STARD3NL: variants seen among roughly 807,000 people sequenced by gnomAD.
STARD3NL encodes STARD3 N-terminal like.
STARD3NL carries 17 observed loss-of-function variants against 30.9 expected under a neutral mutation model. The ratio of observed to expected loss-of-function variants is 0.55; its 90% confidence interval spans 0.38 to 0.82. The LOEUF is 0.82. Among genes scored for constraint, STARD3NL ranks in the 40% least tolerant of loss-of-function variants. The probability of loss-of-function intolerance (pLI) is 0.00; values close to 1 mark genes in which losing one functional copy is unlikely to be tolerated. For missense variants in STARD3NL, 234 were observed against 277.6 expected (o/e 0.84, Z 1.12); for synonymous variants, 112 against 100.5 (o/e 1.11, Z -0.69).
chr7:38,202,683 C>G (rs965154948), intron 1 of STARD3NL, among the ~76,000 whole-genome samples: 2 of 151,434 alleles, frequency 1.3e-5, no homozygotes, highest in African/African-American at 4.9e-5. Flanking sequence ...ATTAACTCAT[C>G]ATTTACATTA....
intron 1 of STARD3NL, among the ~76,000 whole-genome samples, chr7:38,206,799 C>G (rs1387253626): frequency 6.6e-6 from 1 of 152,140 alleles, no homozygotes; most frequent in Non-Finnish European, 1.5e-5. Context: ...GAGGCAGTGT[C>G]TTGCTCTGTT....
intron 1 of STARD3NL, among the ~76,000 whole-genome samples, chr7:38,197,161 T>TTTCTTTCC (rs1554295483): frequency 2.0e-5 from 3 of 146,848 alleles, no homozygotes; most frequent in Non-Finnish European, 3.0e-5. Context: ...TCTTTCTTTC[T>TTTCTTTCC]TTCTTTCTTT....
At chr7:38,210,442 A>G (rs1443499420) in intron 2 of STARD3NL, among the ~76,000 whole-genome samples, 1 of 152,166 alleles carries the variant, frequency 6.6e-6, no homozygotes, top group African/African-American at 2.4e-5. Context: ...TCCTTGCCAC[A>G]GGGACCTGAC....
chr7:38,189,015 TTC>T (rs1784574804), intron 1 of STARD3NL, among the ~76,000 whole-genome samples: 1 of 152,292 alleles, frequency 6.6e-6, no homozygotes, highest in Admixed American at 6.5e-5. Context: ...AAAGGTTAAG[TTC>T]TGTTATGTGC....
At position 38,228,790 on chromosome 7, in the gene STARD3NL, A is replaced by C; in HGVS notation, c.650-9A>C. 1 of 1,611,002 alleles carries C rather than the reference A, an allele frequency of 6.2e-7. No individual in the cohort carries two copies. The highest frequency in any genetic ancestry group is 8.5e-7 in the Non-Finnish European group (1 of 1,178,042). On this transcript the variant is annotated splice_polypyrimidine_tract_variant and intron_variant, in intron 7 of 8. Coordinates refer to ENST00000009041, the MANE Select transcript of STARD3NL (RefSeq NM_032016.4). ...ATACTTTTTCTTTGTCCCCTTCTCC[A>C]CCACGTAGGATCTGAAGAAGCTGAA... is the stretch of plus-strand genomic sequence containing the variant.
At chr7:38,220,172 G>T (rs1394244483) in intron 7 of STARD3NL, among the ~76,000 whole-genome samples, 1 of 152,086 alleles carries the variant, frequency 6.6e-6, no homozygotes, top group Non-Finnish European at 1.5e-5. Flanking sequence ...CCTCATTTCA[G>T]CATTACTTTC....
At chr7:38,178,603 A>G (rs1017444873) in intron 1 of STARD3NL, among the ~76,000 whole-genome samples, 183 bp downstream of exon 1, 12 of 152,166 alleles carry the variant, frequency 7.9e-5, no homozygotes, top group Non-Finnish European at 1.5e-4. Context: ...CTGTGCTCAT[A>G]ATGGACACAA....
intron 6 of STARD3NL, 117 bp from the exon 7 acceptor site, chr7:38,219,448 C>T: frequency 1.6e-6 from 1 of 627,230 alleles, no homozygotes; most frequent in South Asian, 2.1e-5. Flanking sequence ...TTTAAAGTAC[C>T]TCTTTTTCTA....
chr7:38,197,943 G>A (rs1344152290), intron 1 of STARD3NL, among the ~76,000 whole-genome samples: 1 of 152,152 alleles, frequency 6.6e-6, no homozygotes, highest in African/African-American at 2.4e-5. Flanking sequence ...TCATTAACCA[G>A]GTCTCATAAC....
intron 1 of STARD3NL, among the ~76,000 whole-genome samples, chr7:38,203,669 A>G (rs1397353794): frequency 3.9e-5 from 6 of 152,224 alleles, no homozygotes; most frequent in Non-Finnish European, 8.8e-5. Context: ...CTCCAATTAA[A>G]AGACACAGAC....
intron 7 of STARD3NL, among the ~76,000 whole-genome samples, chr7:38,226,155 T>G (rs984059818): frequency 3.3e-5 from 3 of 91,608 alleles, no homozygotes; most frequent in African/African-American, 9.7e-5. Context: ...CTATCTTGTT[T>G]TTTTTTTTTT....
At chr7:38,189,371 G>C in intron 1 of STARD3NL, among the ~76,000 whole-genome samples, 1 of 152,174 alleles carries the variant, frequency 6.6e-6, no homozygotes. Context: ...AAGTGCAGTT[G>C]AAATGTGCAT....
At chr7:38,197,604 A>G (rs1175229747) in intron 1 of STARD3NL, among the ~76,000 whole-genome samples, 4 of 152,106 alleles carry the variant, frequency 2.6e-5, no homozygotes, top group Admixed American at 2.6e-4. Flanking sequence ...AGAACTTTTT[A>G]TTTTATCTAA....
At chr7:38,197,522 A>C (rs144599748) in intron 1 of STARD3NL, among the ~76,000 whole-genome samples, 307 of 152,304 alleles carry the variant, frequency 2.0e-3, no homozygotes, top group African/African-American at 6.9e-3. Flanking sequence ...TTTTTTTAAG[A>C]ATAGCTTATC....
intron 1 of STARD3NL, among the ~76,000 whole-genome samples, chr7:38,183,034 T>G (rs892796918): frequency 2.0e-5 from 3 of 152,234 alleles, no homozygotes; most frequent in African/African-American, 7.2e-5. Context: ...GGAAAATATA[T>G]TCTCAGAATT....
At chr7:38,184,815 AATAC>A (rs1033974001) in intron 1 of STARD3NL, among the ~76,000 whole-genome samples, 5 of 146,524 alleles carry the variant, frequency 3.4e-5, no homozygotes, top group South Asian at 2.1e-4. Flanking sequence ...TGACTATGGA[AATAC>A]ATATATATAT....
chr7:38,215,208 G>A (rs1163865412), intron 4 of STARD3NL, 103 bp downstream of exon 4: 4 of 1,078,508 alleles, frequency 3.7e-6, no homozygotes, highest in East Asian at 2.5e-5. Flanking sequence ...TAATGCAGGT[G>A]GAATCCCACC....
chr7:38,226,152 GTTTTTTTTT>G (rs11286474), intron 7 of STARD3NL, among the ~76,000 whole-genome samples: 3 of 102,474 alleles, frequency 2.9e-5, no homozygotes, highest in Admixed American at 2.1e-4. Context: ...TGCCTATCTT[GTTTTTTTTT>G]TTTTTTTTTT....
Position 38,207,626 on chromosome 7 carries a change from A to T in STARD3NL, c.122A>T (p.Glu41Val), listed in dbSNP as rs1360538408. Residue 41 changes from glutamate (E) to valine (V), a missense_variant, in exon 2 of 9, where the codon GAA becomes GTA. Physicochemically the swap from Glu to Val is moderately radical, Grantham distance 121 (BLOSUM62 -2). Transcript: ENST00000009041. ...CTCATGGCCAGGATTGAGTCCTATG[A>T]AGGAAGGGAAAAGAAAGGCATATCT... ...TQLMARIESY[E>V]GREKKGISDV... The T allele has an allele frequency of 1.2e-6, 2 of 1,614,048 alleles. No individual in the cohort carries two copies. Among genetic ancestry groups the T allele is most frequent in the Non-Finnish European group, 1.7e-6 (2 of 1,179,922 alleles).
Sources: allele counts gnomAD v4.1 joint callset (sites outside exome capture counted in the v4.1 genomes callset), GRCh38; gene constraint gnomAD v4.1.1; transcripts MANE v1.5; gene names NCBI Gene and HGNC (gene_info 2026-07-23, HGNC 2026-07-21).